Variants in CA12 observed in about 807,000 individuals in gnomAD.
CA12 encodes the protein carbonic anhydrase 12, also known as carbonate dehydratase XII.
A neutral mutation model predicts 46.8 loss-of-function variants in CA12; 36 were observed. The observed-to-expected ratio is 0.77, with a 90% confidence interval of 0.59 to 1.02. The LOEUF is 1.02. CA12 is among the 50% of genes least tolerant of loss of function. CA12 has a pLI of 0.00. For missense variants in CA12, 436 were observed against 451.4 expected (o/e 0.97, Z 0.31); for synonymous variants, 202 against 187.0 (o/e 1.08, Z -0.65).
intron 2 of CA12, chr15:63,375,371 C>T: frequency 2.9e-6 from 1 of 350,872 alleles, no homozygotes; most frequent in Non-Finnish European, 5.2e-6. Flanking sequence ...AAGTTACCTC[C>T]AAATCTTGGA....
rs1432350218 is a variant in CA12, at chr15:63,328,910, A to G, written c.875-780T>C. On this transcript the variant is annotated intron_variant, in intron 8 of 10. Coordinates refer to ENST00000178638, the MANE Select transcript of CA12 (RefSeq NM_001218.5). This position sits in a 1 kb window ranked among gnomAD's most constrained non-coding sequence, Gnocchi z 5.9. ...GAGATGGGGTTTTGCCATGTTGACCAGGCTGGTCTCGAACTCCTGATCTCA... is the reference window on the plus strand; with the variant it reads ...GAGATGGGGTTTTGCCATGTTGACCGGGCTGGTCTCGAACTCCTGATCTCA... 6.6e-6 allele frequency among the ~76,000 whole-genome samples: 1 copy of G among 152,202 alleles called. No homozygotes were observed. Among genetic ancestry groups the G allele is most frequent in the African/African-American group, 2.4e-5 (1 of 41,450 alleles).
At chr15:63,337,731 C>T (rs578164824) in intron 8 of CA12, among the ~76,000 whole-genome samples, 100 of 152,248 alleles carry the variant, frequency 6.6e-4, no homozygotes, top group Admixed American at 1.6e-3. Flanking sequence ...GGCAAGACAC[C>T]GTGCCCGGCT....
chr15:63,376,557 C>CTTTCTTTCTTTCTTT (rs754259500), intron 1 of CA12, among the ~76,000 whole-genome samples: 8 of 104,620 alleles, frequency 7.6e-5, no homozygotes, highest in African/African-American at 2.2e-4. Flanking sequence ...CTCTTTCTTT[C>CTTTCTTTCTTTCTTT]CTTTCTTTCT....
chr15:63,352,120 A>G (rs1254321351), intron 2 of CA12, among the ~76,000 whole-genome samples: 4 of 152,164 alleles, frequency 2.6e-5, no homozygotes, highest in Non-Finnish European at 5.9e-5. Context: ...CAGTGGTGCA[A>G]TCTCAGCTCA....
In CA12 at chr15:63,330,918, G is replaced by A. The variant is rs561243492; in HGVS notation, c.875-2788C>T. Among the ~76,000 whole-genome samples, 2 of 152,202 alleles carry A rather than the reference G, an allele frequency of 1.3e-5. No individual in the cohort carries two copies. Among genetic ancestry groups the A allele is most frequent in the Admixed American group, 6.5e-5 (1 of 15,278 alleles). On this transcript the variant is annotated intron_variant, in intron 8 of 10. Coordinates refer to ENST00000178638, the MANE Select transcript of CA12 (RefSeq NM_001218.5). This position sits in a 1 kb window ranked among gnomAD's most constrained non-coding sequence, Gnocchi z 4.0. ...CAAACAGGCATGAAGACAAAGAAAG[G>A]CCCAGAGACTGGGACAGATACTTTT...
At position 63,340,885 on chromosome 15, in the gene CA12, C is replaced by T; in HGVS notation, c.526-102G>A. ...GGGCAAAGCTGTGGGTATGTTGCCA[C>T]CACTGCCTGAAGGATCCACTTTACT... On this transcript the variant is annotated intron_variant, in intron 5 of 10. Transcript: ENST00000178638. The surrounding 1 kb of genome is among the most constrained non-coding windows in gnomAD (Gnocchi z 4.4). 1.1e-6 allele frequency: 1 copy of T among 944,234 alleles called. No homozygotes were observed. Among genetic ancestry groups the T allele is most frequent in the Admixed American group, 1.9e-5 (1 of 53,690 alleles). The allele number at this position is 944,234 out of a possible 1,614,324, so 58.5% of individuals were successfully genotyped here.
At chr15:63,333,286 G>A (rs751630474) in intron 8 of CA12, among the ~76,000 whole-genome samples, 7 of 152,266 alleles carry the variant, frequency 4.6e-5, no homozygotes, top group Non-Finnish European at 8.8e-5. Context: ...GGGTCCAGCC[G>A]TCTGCCCAGC....
chr15:63,342,198 C>T (rs894632619), intron 4 of CA12, 101 bp from the exon 5 acceptor site: 31 of 761,522 alleles, frequency 4.1e-5, no homozygotes, highest in Non-Finnish European at 6.6e-5. Context: ...AGAACCCCAG[C>T]CCCCTCAGCC....
chr15:63,373,301 G>A lies in CA12; in HGVS notation c.106+2357C>T, dbSNP rs1165794720. ...AATCCCTTGGACCCAGGAAGCAGAG[G>A]TTGCAGTGAGCCAAGATCACGCCAC... On this transcript the variant is annotated intron_variant, in intron 2 of 10. Coordinates refer to ENST00000178638, the MANE Select transcript of CA12 (RefSeq NM_001218.5). This position sits in a 1 kb window ranked among gnomAD's most constrained non-coding sequence, Gnocchi z 4.9. Among the ~76,000 whole-genome samples the A allele has an allele frequency of 1.3e-5, 2 of 151,106 alleles. No homozygotes were observed. The highest frequency in any genetic ancestry group is 2.9e-5 in the Non-Finnish European group (2 of 67,934).
Position 63,325,180 on chromosome 15 carries a change from C to T in CA12, c.*1105G>A, listed in dbSNP as rs2038849859. On this transcript the variant is annotated 3_prime_UTR_variant, in exon 11 of 11. Coordinates refer to ENST00000178638, the MANE Select transcript of CA12 (RefSeq NM_001218.5). This position sits in a 1 kb window ranked among gnomAD's most constrained non-coding sequence, Gnocchi z 4.9. Reference sequence around the variant, plus strand: ...TTTGATCTAAACCACGATTTGACATCTTCAGAGAGAGAGAAGTAGATAAAA... The same window carrying T: ...TTTGATCTAAACCACGATTTGACATTTTCAGAGAGAGAGAAGTAGATAAAA... The T allele has an allele frequency of 6.6e-6, 1 of 152,198 alleles. No individual in the cohort carries two copies. Among genetic ancestry groups the T allele is most frequent in the African/African-American group, 2.4e-5 (1 of 41,434 alleles). The allele number at this position is 152,198 out of a possible 1,614,324, so 9.4% of individuals were successfully genotyped here.
chr15:63,372,321 G>A lies in CA12; in HGVS notation c.106+3337C>T, dbSNP rs1473722972. Among the ~76,000 whole-genome samples the A allele has an allele frequency of 6.6e-6, 1 of 152,202 alleles. No homozygotes were observed. Among genetic ancestry groups the A allele is most frequent in the Non-Finnish European group, 1.5e-5 (1 of 68,036 alleles). ...CACCTCAGCCATGCTAAGCCCAGCA[G>A]CCATTCAGCTGCTGTTTCAGCACCC... On this transcript the variant is annotated intron_variant, in intron 2 of 10. Coordinates refer to ENST00000178638, the MANE Select transcript of CA12 (RefSeq NM_001218.5). The surrounding 1 kb of genome is among the most constrained non-coding windows in gnomAD (Gnocchi z 4.5).
At chr15:63,349,076 C>T (rs1399618049) in intron 2 of CA12, among the ~76,000 whole-genome samples, 1 of 152,096 alleles carries the variant, frequency 6.6e-6, no homozygotes, top group Non-Finnish European at 1.5e-5. Flanking sequence ...AATGAGATTC[C>T]AGCATCAGCT....
intron 4 of CA12, among the ~76,000 whole-genome samples, chr15:63,343,446 T>C (rs1185330635): frequency 6.6e-6 from 1 of 152,002 alleles, no homozygotes; most frequent in Non-Finnish European, 1.5e-5. Flanking sequence ...CAAGCCCGGC[T>C]AATTTTGCAT....
At chr15:63,337,308 G>A (rs2039015580) in intron 8 of CA12, among the ~76,000 whole-genome samples, 1 of 152,168 alleles carries the variant, frequency 6.6e-6, no homozygotes, top group South Asian at 2.1e-4. Context: ...CCTGGAAAGG[G>A]CCTTCAAATA....
At chr15:63,364,186 A>T (rs189032435) in intron 2 of CA12, among the ~76,000 whole-genome samples, 2 of 151,438 alleles carry the variant, frequency 1.3e-5, no homozygotes, top group Non-Finnish European at 2.9e-5. Context: ...TCAAAAAAAA[A>T]GTGGGGGGGC....
rs533544658 is a variant in CA12, at chr15:63,355,397, C to T, written c.107-8688G>A. Among the ~76,000 whole-genome samples, 4 of 152,328 alleles carry T rather than the reference C, an allele frequency of 2.6e-5. No homozygotes were observed. Among genetic ancestry groups the T allele is most frequent in the African/African-American group, 9.6e-5 (4 of 41,568 alleles). ...GTCCAGTGGTTCTCAAAGCGTGGCT[C>T]CAGACAAGCATTATCATCACCGCCT... On this transcript the variant is annotated intron_variant, in intron 2 of 10. Coordinates refer to ENST00000178638, the MANE Select transcript of CA12 (RefSeq NM_001218.5). The surrounding 1 kb of genome is among the most constrained non-coding windows in gnomAD (Gnocchi z 4.1).
At chr15:63,380,928 C>G (rs978079977) in intron 1 of CA12, among the ~76,000 whole-genome samples, 2 of 152,340 alleles carry the variant, frequency 1.3e-5, no homozygotes, top group South Asian at 2.1e-4. Context: ...GCCACCTCCT[C>G]CTGTCACTCC....
At chr15:63,360,775 T>C (rs1220186100) in intron 2 of CA12, among the ~76,000 whole-genome samples, 1 of 152,202 alleles carries the variant, frequency 6.6e-6, no homozygotes, top group African/African-American at 2.4e-5. Context: ...AGGTTATTTG[T>C]CCCCTCTGTG....
At position 63,323,320 on chromosome 15, in the gene CA12, G is replaced by C. The variant is rs958595366; in HGVS notation, c.*2965C>G. On this transcript the variant is annotated 3_prime_UTR_variant, in exon 11 of 11. Transcript: ENST00000178638. This position sits in a 1 kb window ranked among gnomAD's most constrained non-coding sequence, Gnocchi z 5.1. Reference sequence around the variant, plus strand: ...CTTCCCAGCACCATTAAGCAGCTTCGCGACCTGCAGCCACACATGCCATAG... The same window carrying C: ...CTTCCCAGCACCATTAAGCAGCTTCCCGACCTGCAGCCACACATGCCATAG... 6.6e-6 allele frequency: 1 copy of C among 152,192 alleles called. No homozygotes were observed. The allele number at this position is 152,192 out of a possible 1,614,324, so 9.4% of individuals were successfully genotyped here. A position where few individuals can be genotyped will look rare whatever the true frequency, so the allele number is the denominator to read the frequency against.
Sources: allele counts gnomAD v4.1 joint callset (sites outside exome capture counted in the v4.1 genomes callset), GRCh38; gene constraint gnomAD v4.1.1; non-coding constraint Gnocchi (gnomAD v3.1); transcripts MANE v1.5; gene names NCBI Gene and HGNC (gene_info 2026-07-23, HGNC 2026-07-21).